Variants in NCAM1 observed in about 807,000 individuals in gnomAD.
The protein encoded by NCAM1 is neural cell adhesion molecule 1.
In NCAM1, 14 loss-of-function variants were observed where a neutral mutation model predicts 109.8. The ratio of observed to expected loss-of-function variants is 0.13; its 90% CI spans 0.08 to 0.20. The LOEUF is 0.20. Among genes scored for constraint, NCAM1 ranks in the 10% least tolerant of loss-of-function variants. The pLI, the probability that NCAM1 is intolerant of heterozygous loss-of-function variation, is 1.00. For missense variants in NCAM1, 774 were observed against 1,109.9 expected, an observed-to-expected ratio of 0.70 and a Z score of 4.30; for synonymous variants, 418 against 442.9, an observed-to-expected ratio of 0.94 and a Z score of 0.70.
chr11:113,179,577 C>CT (rs1295309098), intron 1 of NCAM1, among the ~76,000 whole-genome samples: 1 of 152,230 alleles, frequency 6.6e-6, no homozygotes, highest in Non-Finnish European at 1.5e-5. Flanking sequence ...ATTAAGCCAT[C>CT]TCTTGCTCTG....
chr11:113,227,069 A>C (rs1196813498), intron 9 of NCAM1, among the ~76,000 whole-genome samples: 14 of 152,210 alleles, frequency 9.2e-5, no homozygotes, highest in Admixed American at 2.0e-4. Flanking sequence ...AAGGCAAGAA[A>C]TAACTAAGAT....
intron 1 of NCAM1, among the ~76,000 whole-genome samples, chr11:113,166,926 A>G (rs1942820323): frequency 6.6e-6 from 1 of 152,230 alleles, no homozygotes; most frequent in Non-Finnish European, 1.5e-5. Flanking sequence ...CAGATTCAAA[A>G]CTAACTTCTT....
Position 113,100,075 on chromosome 11 carries a change from A to G in NCAM1, c.53-102304A>G, listed in dbSNP as rs572319997. On this transcript the variant is annotated intron_variant, in intron 1 of 19. Coordinates refer to ENST00000316851, the MANE Select transcript of NCAM1 (RefSeq NM_181351.5). The stretch of plus-strand genomic sequence containing the variant: ...ACCTTCTTTTCAACCAGAGCCTAGC[A>G]CCCTAAATTTTGCCTATTGTACTTG... Among the ~76,000 whole-genome samples the G allele has an allele frequency of 2.0e-4, 31 of 152,242 alleles. 1 individual carries two copies. Among genetic ancestry groups the G allele is most frequent in the South Asian group, 6.2e-4 (3 of 4,818 alleles).
intron 1 of NCAM1, among the ~76,000 whole-genome samples, chr11:113,094,639 C>T (rs1403860892): frequency 1.3e-5 from 2 of 152,192 alleles, no homozygotes; most frequent in Non-Finnish European, 2.9e-5. Flanking sequence ...TTGTAATTCG[C>T]TGCTGTGGCC....
intron 12 of NCAM1, 31 bp downstream of exon 12, chr11:113,232,845 T>C: frequency 6.4e-7 from 1 of 1,568,488 alleles, no homozygotes; most frequent in Non-Finnish European, 8.8e-7. Flanking sequence ...TGAGAGCAGC[T>C]GCCACAACCC....
chr11:113,214,268 C>T, intron 7 of NCAM1, 101 bp from the exon 8 acceptor site: 1 of 1,288,796 alleles, frequency 7.8e-7, no homozygotes, highest in South Asian at 1.4e-5. Context: ...GGGTCTTGTA[C>T]TTAGCAGACA....
intron 1 of NCAM1, among the ~76,000 whole-genome samples, chr11:113,111,571 T>C (rs1555093714): frequency 1.3e-5 from 2 of 152,340 alleles, no homozygotes; most frequent in Admixed American, 6.5e-5. Flanking sequence ...AAGCGTTCTG[T>C]ATCTTGATTG....
At chr11:113,059,667 A>T (rs1261201205) in intron 1 of NCAM1, among the ~76,000 whole-genome samples, 1 of 152,124 alleles carries the variant, frequency 6.6e-6, no homozygotes, top group Non-Finnish European at 1.5e-5. Flanking sequence ...CTTCACATAT[A>T]ACCAGCACCG....
intron 1 of NCAM1, among the ~76,000 whole-genome samples, chr11:113,199,918 C>T (rs1302879509): frequency 1.3e-5 from 2 of 150,196 alleles, no homozygotes; most frequent in African/African-American, 4.9e-5. Flanking sequence ...CCTTGTTTCC[C>T]TTTTCTCTCC....
intron 1 of NCAM1, among the ~76,000 whole-genome samples, chr11:113,145,711 C>G (rs1181780155): frequency 1.3e-5 from 2 of 152,122 alleles, no homozygotes; most frequent in Non-Finnish European, 2.9e-5. Flanking sequence ...CAATTGAGGT[C>G]AGAATGGCAT....
At chr11:112,964,141 TTTTTTTTTTTTTTG>T (rs1222240566) in intron 1 of NCAM1, among the ~76,000 whole-genome samples, 4 of 20,866 alleles carry the variant, frequency 1.9e-4, no homozygotes, top group Non-Finnish European at 8.4e-5. Flanking sequence ...TTTTTTTTTG[TTTTTTTTTTTTTTG>T]TTTTTTTTTT....
chr11:113,056,860 A>G (rs188423356), intron 1 of NCAM1, among the ~76,000 whole-genome samples: 1 of 152,322 alleles, frequency 6.6e-6, no homozygotes, highest in Admixed American at 6.5e-5. Context: ...AGTTGATTGT[A>G]ATATTGTTGC....
chr11:113,218,072 A>G (rs1351305642), intron 8 of NCAM1, among the ~76,000 whole-genome samples: 1 of 152,236 alleles, frequency 6.6e-6, no homozygotes, highest in Non-Finnish European at 1.5e-5. Flanking sequence ...TATTAAAAGT[A>G]AAGTAGTAGA....
intron 1 of NCAM1, among the ~76,000 whole-genome samples, chr11:113,141,606 G>A (rs552781886): frequency 2.0e-5 from 3 of 152,286 alleles, no homozygotes; most frequent in Non-Finnish European, 2.9e-5. Flanking sequence ...CTGAGATTGT[G>A]CCACTGCACT....
chr11:113,037,307 A>G (rs1952920130), intron 1 of NCAM1, among the ~76,000 whole-genome samples: 1 of 152,154 alleles, frequency 6.6e-6, no homozygotes, highest in Admixed American at 6.5e-5. Flanking sequence ...ATGGAGAAAA[A>G]CAAGAGGGTT....
intron 1 of NCAM1, among the ~76,000 whole-genome samples, chr11:113,123,909 C>G (rs1298820078): frequency 6.6e-6 from 1 of 152,130 alleles, no homozygotes; most frequent in Non-Finnish European, 1.5e-5. Context: ...TAGATGGTTC[C>G]TGACCCCTCT....
chr11:113,152,891 TTA>T (rs1555102715), intron 1 of NCAM1, among the ~76,000 whole-genome samples: 10 of 152,086 alleles, frequency 6.6e-5, no homozygotes, highest in Non-Finnish European at 1.5e-4. Flanking sequence ...TTGCAAAGTG[TTA>T]AGAAAGGCAG....
intron 1 of NCAM1, among the ~76,000 whole-genome samples, chr11:113,000,817 C>CAT (rs375984527): frequency 0.061 from 7,799 of 128,752 alleles, 238 homozygotes; most frequent in Middle Eastern, 0.1. Flanking sequence ...ATTATATATA[C>CAT]ATATATATAT....
At chr11:113,169,660 C>T (rs1942927397) in intron 1 of NCAM1, among the ~76,000 whole-genome samples, 1 of 131,982 alleles carries the variant, frequency 7.6e-6, no homozygotes, top group African/African-American at 2.9e-5. Context: ...TAGGGTCTTG[C>T]TCTGTCACCC....
Sources: allele counts gnomAD v4.1 joint callset (sites outside exome capture counted in the v4.1 genomes callset), GRCh38; gene constraint gnomAD v4.1.1; transcripts MANE v1.5; gene names NCBI Gene and HGNC (gene_info 2026-07-23, HGNC 2026-07-21).